The following IGSF9B variants were observed in gnomAD, a reference collection of about 807,000 sequenced individuals.
IGSF9B encodes protein turtle homolog B.
In IGSF9B, 48 loss-of-function variants were observed where a neutral mutation model predicts 143.7. That is an observed-to-expected ratio of 0.33 (90% CI 0.26 to 0.42). The LOEUF (loss-of-function observed/expected upper bound fraction) is 0.42, where lower values mean the gene tolerates loss of function less well. IGSF9B is among the 20% of genes least tolerant of loss of function. The pLI, the probability that IGSF9B is intolerant of heterozygous loss-of-function variation, is 1.00. For missense variants in IGSF9B, 1,706 were observed against 1,980.0 expected (o/e 0.86, Z 2.63); for synonymous variants, 903 against 833.1 (o/e 1.08, Z -1.44).
intron 19 of IGSF9B, 58 bp downstream of exon 19, chr11:133,911,828 T>C: frequency 6.9e-7 from 1 of 1,446,560 alleles, no homozygotes; most frequent in Non-Finnish European, 9.0e-7. Flanking sequence ...CCAATAACCC[T>C]CCTGACAACG....
In IGSF9B at chr11:133,924,815, A is replaced by G; in HGVS notation, c.2119+5T>C. 6.2e-7 allele frequency: 1 copy of G among 1,612,928 alleles called. No homozygotes were observed. The highest frequency in any genetic ancestry group is 8.5e-7 in the Non-Finnish European group (1 of 1,179,160). ...AGTTGCAAGAGCACCCTCAACCCAA[A>G]ATACCTGTGCTGGAGACGCCGGCGA... On this transcript the variant is annotated splice_donor_5th_base_variant and intron_variant, in intron 15 of 19. Coordinates refer to ENST00000533871, the MANE Select transcript of IGSF9B (RefSeq NM_001277285.4).
chr11:133,944,396 C>A, intron 2 of IGSF9B, 30 bp from the exon 3 acceptor site: 1 of 1,610,548 alleles, frequency 6.2e-7, no homozygotes. Context: ...AAAAGCCCCA[C>A]AGGCCATCAG....
chr11:133,925,138 G>C (rs774970473), intron 14 of IGSF9B, among the ~76,000 whole-genome samples: 1 of 152,194 alleles, frequency 6.6e-6, no homozygotes, highest in Non-Finnish European at 1.5e-5. Flanking sequence ...GTTGGGAAGA[G>C]ATATGTACAA....
At chr11:133,935,121 C>T (rs1047963996) in intron 7 of IGSF9B, among the ~76,000 whole-genome samples, 5 of 152,082 alleles carry the variant, frequency 3.3e-5, no homozygotes, top group Admixed American at 6.6e-5. Context: ...GGGGAGAGGC[C>T]GCGGACGCCA....
chr11:133,920,327 C>T lies in IGSF9B; in HGVS notation c.3398G>A (p.Gly1133Glu). The change falls in exon 18 of 20, where the codon GGG becomes GAG. Residue 1133 changes from glycine to glutamate, a missense_variant. Around this residue, in one of 7 missense-constraint regions of IGSF9B, gnomAD observed 880 missense variants for 762.9 expected, o/e 1.15. Transcript: ENST00000533871. ...GCCTTGGCTTGTATGTCGCAGCTGC[C>T]CTTGGCTTACCAGAGGTTGCATAGG... ...DRPMQPLVSQ[G>E]QLRHTSQGMG... The T allele has an allele frequency of 6.3e-7, 1 of 1,591,520 alleles. No individual in the cohort carries two copies. The highest frequency in any genetic ancestry group is 1.3e-5 in the African/African-American group (1 of 74,180).
intron 15 of IGSF9B, among the ~76,000 whole-genome samples, chr11:133,923,861 C>T (rs141305216): frequency 6.6e-6 from 1 of 152,252 alleles, no homozygotes; most frequent in Non-Finnish European, 1.5e-5. Flanking sequence ...TTCTTCAGCT[C>T]CAGCCTTGGA....
In IGSF9B at chr11:133,920,751, G is replaced by T. The variant is rs773607839; in HGVS notation, c.2974C>A (p.Leu992Met). ...PFYVPEVGSP[L>M]SSVMSSPPLP... ...GGCGGGGACGACATGACGGAGCTCA[G>T]GGGGCTGCCCACTTCTGGCACGTAG... The change falls in exon 18 of 20, where the codon CTG becomes ATG. Residue 992 changes from leucine (L) to methionine (M), a missense_variant. By Grantham distance (15) the Leu-to-Met change is conservative (BLOSUM62 2). Around this residue, in one of 7 missense-constraint regions of IGSF9B, gnomAD observed 880 missense variants for 762.9 expected, o/e 1.15. Coordinates refer to ENST00000533871, the MANE Select transcript of IGSF9B (RefSeq NM_001277285.4). The T allele has an allele frequency of 6.2e-7, 1 of 1,612,748 alleles. No individual in the cohort carries two copies. The highest frequency in any genetic ancestry group is 8.5e-7 in the Non-Finnish European group (1 of 1,179,486).
At chr11:133,943,775 C>T (rs143113332) in intron 3 of IGSF9B, among the ~76,000 whole-genome samples, 229 of 152,264 alleles carry the variant, frequency 1.5e-3, no homozygotes, top group African/African-American at 4.5e-3. Context: ...ACTAATCAAA[C>T]GAATACAGTT....
At position 133,900,607 on chromosome 11, in the gene IGSF9B, C is replaced by T. The variant is rs1199178019; in HGVS notation, c.*8462G>A. 6.6e-6 allele frequency: 1 copy of T among 152,636 alleles called. No individual in the cohort carries two copies. Among genetic ancestry groups the T allele is most frequent in the Non-Finnish European group, 1.5e-5 (1 of 68,058 alleles). The allele number at this position is 152,636 out of a possible 1,614,324, so 9.5% of individuals were successfully genotyped here. A position where few individuals can be genotyped will look rare whatever the true frequency, so the allele number is the denominator to read the frequency against. On this transcript the variant is annotated 3_prime_UTR_variant, in exon 20 of 20. Coordinates refer to ENST00000533871, the MANE Select transcript of IGSF9B (RefSeq NM_001277285.4). ...CCAGAAGGAAGGTTCCACTAAGACC[C>T]CCTCTCCCAGGCCGGCCCACAGTTC...
chr11:133,949,721 G>A (rs1432560980), intron 1 of IGSF9B, among the ~76,000 whole-genome samples: 2 of 151,974 alleles, frequency 1.3e-5, no homozygotes, highest in Non-Finnish European at 2.9e-5. Flanking sequence ...GAAGGGGGAG[G>A]GGCTGGCTCC....
At chr11:133,950,297 CG>C (rs997660423) in intron 1 of IGSF9B, among the ~76,000 whole-genome samples, 2 of 152,194 alleles carry the variant, frequency 1.3e-5, no homozygotes, top group African/African-American at 4.8e-5. Context: ...GGAGCAGGGC[CG>C]GGCGAGCATC....
rs1038135916 is a variant in IGSF9B at position 133,913,325 on chromosome 11, T to TA, written c.3984-1319dup. Among the ~76,000 whole-genome samples the TA allele has an allele frequency of 2.2e-4, 33 of 147,600 alleles. No homozygotes were observed. Among genetic ancestry groups the TA allele is most frequent in the Middle Eastern group, 3.5e-3 (1 of 282 alleles). On this transcript the variant is annotated intron_variant, in intron 18 of 19. Transcript: ENST00000533871. This position sits in a 1 kb window ranked among gnomAD's most constrained non-coding sequence, Gnocchi z 4.6. ...CAAAGGTCAGCAAGCGGTCTGAGGTTAAAAAAAAAAATGTTAAGAGGGATA... is the reference window on the plus strand; with the variant it reads ...CAAAGGTCAGCAAGCGGTCTGAGGTTAAAAAAAAAAAATGTTAAGAGGGATA...
At chr11:133,910,585 G>T (rs1939286734) in intron 19 of IGSF9B, among the ~76,000 whole-genome samples, 3 of 152,142 alleles carry the variant, frequency 2.0e-5, no homozygotes, top group African/African-American at 7.2e-5. Context: ...ACCTGGAGAG[G>T]CTGATCAATA....
chr11:133,931,573 G>C lies in IGSF9B; in HGVS notation c.1252-4C>G. 6.2e-7 allele frequency: 1 copy of C among 1,613,132 alleles called. No individual in the cohort carries two copies. Among genetic ancestry groups the C allele is most frequent in the Middle Eastern group, 1.7e-4 (1 of 6,058 alleles). On this transcript the variant is annotated splice_polypyrimidine_tract_variant and splice_region_variant and intron_variant, in intron 9 of 19. Coordinates refer to ENST00000533871, the MANE Select transcript of IGSF9B (RefSeq NM_001277285.4). This position sits in a 1 kb window ranked among gnomAD's most constrained non-coding sequence, Gnocchi z 7.7. ...GCACCGTGAAATAGGGGGGGTCCTG[G>C]GGAGGAAAGCACAGGCACCCTCGTG... is the stretch of plus-strand genomic sequence containing the variant.
In IGSF9B at chr11:133,948,034, T is replaced by C. The variant is rs1377733490; in HGVS notation, c.65-1776A>G. Among the ~76,000 whole-genome samples the C allele has an allele frequency of 2.7e-5, 4 of 150,350 alleles. No homozygotes were observed. The highest frequency in any genetic ancestry group is 5.9e-5 in the Non-Finnish European group (4 of 67,786). On this transcript the variant is annotated intron_variant, in intron 1 of 19. Transcript: ENST00000533871. The surrounding 1 kb of genome is among the most constrained non-coding windows in gnomAD (Gnocchi z 4.7). ...GTCTACCTGCCTATCTCTCTCCCTG[T>C]TTCTGTCTACCAGCATGTGTGCGTG...
At position 133,920,393 on chromosome 11, in the gene IGSF9B, C is replaced by A; in HGVS notation, c.3332G>T (p.Gly1111Val). Residue 1111 changes from glycine (G) to valine (V), a missense_variant, in exon 18 of 20, where the codon GGC (glycine) becomes GTC (valine). Transcript: ENST00000533871. ...GGCGGCGGGGGGCGCTGGGACAGGG[C>A]CCCTGCCGGGCGACTTGCCTGCCCA... The part of the protein sequence containing the change: ...KGWAGKSPGR[G>V]PVPAPPAAKW... 1.3e-6 allele frequency: 2 copies of A among 1,599,094 alleles called. No homozygotes were observed. Among genetic ancestry groups the A allele is most frequent in the Non-Finnish European group, 1.7e-6 (2 of 1,173,820 alleles).
intron 1 of IGSF9B, among the ~76,000 whole-genome samples, chr11:133,955,166 G>A (rs964271512): frequency 6.6e-6 from 1 of 152,074 alleles, no homozygotes; most frequent in Non-Finnish European, 1.5e-5. Flanking sequence ...ATTGGAAGAC[G>A]GCAAGGAAAT....
intron 3 of IGSF9B, among the ~76,000 whole-genome samples, chr11:133,942,692 G>C (rs1939973462): frequency 6.6e-6 from 1 of 152,224 alleles, no homozygotes; most frequent in Non-Finnish European, 1.5e-5. Context: ...ATCAAGGCGA[G>C]GTTTTAGCGG....
At chr11:133,918,666 C>G (rs991566833) in intron 18 of IGSF9B, among the ~76,000 whole-genome samples, 52 of 146,334 alleles carry the variant, frequency 3.6e-4, no homozygotes, top group Non-Finnish European at 5.6e-4. Flanking sequence ...GGGTGGGGGA[C>G]GGGGCAGGGG....
Sources: gnomAD v4.1 joint callset for allele counts (sites outside exome capture counted in the v4.1 genomes callset) on GRCh38, gnomAD v4.1.1 for gene constraint, gnomAD v4.1.1 regional missense constraint, Gnocchi (gnomAD v3.1) non-coding constraint, MANE v1.5 for transcripts, NCBI Gene and HGNC (gene_info 2026-07-23, HGNC 2026-07-21) for gene names.